PRMT8: variants seen among roughly 807,000 people sequenced by gnomAD.
PRMT8 encodes protein arginine methyltransferase 8.
PRMT8 carries 7 observed loss-of-function variants against 47.1 expected under a neutral mutation model. The observed-to-expected ratio is 0.15, with a 90% CI of 0.08 to 0.28. The LOEUF (loss-of-function observed/expected upper bound fraction) is 0.28. Ranked by LOEUF, PRMT8 falls within the 10% of genes least tolerant of loss-of-function variation. The pLI, the probability that PRMT8 is intolerant of heterozygous loss-of-function variation, is 1.00. For missense variants in PRMT8, 237 were observed against 505.4 expected (o/e 0.47, Z 5.09); for synonymous variants, 188 against 186.5 (o/e 1.01, Z -0.07).
intron 1 of PRMT8, among the ~76,000 whole-genome samples, chr12:3,521,255 A>T (rs1865875678): frequency 6.6e-6 from 1 of 152,194 alleles, no homozygotes; most frequent in South Asian, 2.1e-4. Context: ...GGGGTCGCCC[A>T]GGCCATGTGT....
chr12:3,544,664 C>G (rs1866296627), intron 2 of PRMT8, among the ~76,000 whole-genome samples: 1 of 152,156 alleles, frequency 6.6e-6, no homozygotes, highest in South Asian at 2.1e-4. Context: ...TTAAGATGTT[C>G]CCGTGATGAG....
chr12:3,432,612 G>A (rs1427394874), intron 1 of PRMT8, among the ~76,000 whole-genome samples: 1 of 151,992 alleles, frequency 6.6e-6, no homozygotes, highest in Admixed American at 6.6e-5. Context: ...GGGCTGGAAA[G>A]CAGCAACAGG....
chr12:3,401,356 A>G (rs1864314774), intron 1 of PRMT8, among the ~76,000 whole-genome samples: 2 of 152,014 alleles, frequency 1.3e-5, no homozygotes, highest in South Asian at 4.2e-4. Flanking sequence ...TGACCAACCC[A>G]CAGCCAATGT....
At chr12:3,465,030 G>A (rs1865078579) in intron 1 of PRMT8, among the ~76,000 whole-genome samples, 1 of 150,596 alleles carries the variant, frequency 6.6e-6, no homozygotes, top group Admixed American at 6.6e-5. Flanking sequence ...CAGGAGAATC[G>A]CTTAAACCCA....
chr12:3,480,736 C>T (rs1809031782), intron 1 of PRMT8, among the ~76,000 whole-genome samples: 2 of 152,132 alleles, frequency 1.3e-5, no homozygotes, highest in Admixed American at 1.3e-4. Context: ...AATTAAATAC[C>T]AGTGTAACAT....
chr12:3,578,843 C>G (rs1420444107), intron 7 of PRMT8, among the ~76,000 whole-genome samples: 1 of 152,100 alleles, frequency 6.6e-6, no homozygotes, highest in African/African-American at 2.4e-5. Context: ...CCTCACAGGG[C>G]AAATAAACCT....
At position 3,550,534 on chromosome 12, in the gene PRMT8, A is replaced by G. The variant is rs1866398166; in HGVS notation, c.417+443A>G. On this transcript the variant is annotated intron_variant, in intron 3 of 9. Transcript: ENST00000382622. The surrounding 1 kb of genome is among the most constrained non-coding windows in gnomAD (Gnocchi z 5.1). Reference sequence around the variant, plus strand: ...AGCTTAATAGCAGTCCCTTGCCCATAGGGTGATTGTGAGGATTAAATGAGT... The same window carrying G: ...AGCTTAATAGCAGTCCCTTGCCCATGGGGTGATTGTGAGGATTAAATGAGT... The G allele has an allele frequency of 5.7e-6, 1 of 175,088 alleles. No individual in the cohort carries two copies. The highest frequency in any genetic ancestry group is 2.3e-5 in the African/African-American group (1 of 43,156). The allele number at this position is 175,088 out of a possible 1,614,324, so 10.8% of individuals were successfully genotyped here.
At chr12:3,486,001 C>T (rs371029706) in intron 1 of PRMT8, among the ~76,000 whole-genome samples, 9 of 152,310 alleles carry the variant, frequency 5.9e-5, no homozygotes, top group Middle Eastern at 3.4e-3. Flanking sequence ...GTTGCCCTGA[C>T]GCACCAGAGG....
chr12:3,523,846 T>C (rs562616570), intron 1 of PRMT8, among the ~76,000 whole-genome samples: 1 of 152,232 alleles, frequency 6.6e-6, no homozygotes, highest in East Asian at 1.9e-4. Context: ...TTGTTCTCCA[T>C]AGGGAATATA....
At chr12:3,496,214 A>ATATATATATATATATTTTTT in intron 1 of PRMT8, among the ~76,000 whole-genome samples, 4 of 27,770 alleles carry the variant, frequency 1.4e-4, no homozygotes, top group East Asian at 1.7e-3. Context: ...ATATATATAT[A>ATATATATATATATATTTTTT]TTTTTTTTTT....
chr12:3,451,248 T>G (rs1299625907), intron 1 of PRMT8, among the ~76,000 whole-genome samples: 2 of 152,048 alleles, frequency 1.3e-5, no homozygotes, highest in Non-Finnish European at 2.9e-5. Flanking sequence ...GGAAGGGCCC[T>G]TTGAGATGCT....
chr12:3,448,917 G>A (rs1864887504), intron 1 of PRMT8, among the ~76,000 whole-genome samples: 1 of 152,120 alleles, frequency 6.6e-6, no homozygotes, highest in East Asian at 1.9e-4. Flanking sequence ...GCCCCAGTGT[G>A]TGCTATTCCC....
intron 1 of PRMT8, among the ~76,000 whole-genome samples, chr12:3,496,212 A>ATTT (rs1444249290): frequency 0.016 from 317 of 19,318 alleles, 8 homozygotes; most frequent in Middle Eastern, 0.062. Flanking sequence ...ATATATATAT[A>ATTT]TATTTTTTTT....
intron 1 of PRMT8, among the ~76,000 whole-genome samples, chr12:3,485,810 T>C (rs1865317447): frequency 6.6e-6 from 1 of 152,102 alleles, no homozygotes; most frequent in Admixed American, 6.6e-5. Context: ...CACAGTAAAA[T>C]GTTAATATTA....
chr12:3,471,072 AAGC>A (rs1865157155), intron 1 of PRMT8, among the ~76,000 whole-genome samples: 1 of 152,100 alleles, frequency 6.6e-6, no homozygotes, highest in Non-Finnish European at 1.5e-5. Flanking sequence ...GCGCTCAGAG[AAGC>A]AGAAGGAGCG....
intron 4 of PRMT8, 95 bp from the exon 5 acceptor site, chr12:3,568,611 G>A (rs1591607508): frequency 7.8e-7 from 1 of 1,289,206 alleles, no homozygotes. Flanking sequence ...AATCAGAATA[G>A]GGCTGAAACC....
In PRMT8 at chr12:3,387,555, A is replaced by C. The variant is rs560439188; in HGVS notation, c.48+6113A>C. Among the ~76,000 whole-genome samples the C allele has an allele frequency of 9.8e-5, 15 of 152,348 alleles. No individual in the cohort carries two copies. The East Asian group carries it at 2.7e-3, about 27-fold the overall frequency. The stretch of plus-strand genomic sequence containing the variant: ...AGACACTGAGAGGTGGGCATAAAAT[A>C]AACATGTTTAGATTTTAATTATTTC... On this transcript the variant is annotated intron_variant, in intron 1 of 9. Transcript: ENST00000452611.
intron 1 of PRMT8, among the ~76,000 whole-genome samples, chr12:3,383,431 G>A (rs573566991): frequency 5.3e-5 from 8 of 152,152 alleles, no homozygotes; most frequent in Admixed American, 2.0e-4. Flanking sequence ...TCTGCTATGC[G>A]CTGAATGTGT....
At chr12:3,415,304 C>T (rs1864472963) in intron 1 of PRMT8, among the ~76,000 whole-genome samples, 2 of 152,242 alleles carry the variant, frequency 1.3e-5, no homozygotes, top group South Asian at 4.2e-4. Context: ...TTTCTGGAAG[C>T]CCCCCGAACC....
Sources: gnomAD v4.1 joint callset for allele counts (sites outside exome capture counted in the v4.1 genomes callset) on GRCh38, gnomAD v4.1.1 for gene constraint, Gnocchi (gnomAD v3.1) non-coding constraint, MANE v1.5 for transcripts, NCBI Gene and HGNC (gene_info 2026-07-23, HGNC 2026-07-21) for gene names.